Variants in NCKAP5 observed in about 807,000 individuals in gnomAD.
The protein encoded by NCKAP5 is nck-associated protein 5.
NCKAP5 carries 92 observed loss-of-function variants against 167.0 expected under a neutral mutation model. That is an observed-to-expected ratio of 0.55 (90% CI 0.47 to 0.66). The LOEUF (loss-of-function observed/expected upper bound fraction) is 0.66, where lower values mean the gene tolerates loss of function less well. Among genes scored for constraint, NCKAP5 ranks in the 30% least tolerant of loss-of-function variants. The probability of loss-of-function intolerance (pLI) is 0.00; values close to 1 mark genes in which losing one functional copy is unlikely to be tolerated. For synonymous variants in NCKAP5, 891 were observed against 877.4 expected (o/e 1.02, Z -0.27); for missense variants, 2,378 against 2,315.0 (o/e 1.03, Z -0.56).
At chr2:132,704,714 T>C (rs1340313213) in intron 19 of NCKAP5, among the ~76,000 whole-genome samples, 1 of 152,208 alleles carries the variant, frequency 6.6e-6, no homozygotes, top group East Asian at 1.9e-4. Context: ...CCATGGTTCA[T>C]TGTAATCATT....
chr2:132,967,163 A>G (rs1020373658), intron 7 of NCKAP5, among the ~76,000 whole-genome samples: 2 of 20,786 alleles, frequency 9.6e-5, no homozygotes, highest in African/African-American at 5.0e-4. Context: ...GCCCTATCGT[A>G]CACACACACA....
At chr2:133,382,429 C>T (rs1165908991) in intron 3 of NCKAP5, among the ~76,000 whole-genome samples, 3 of 152,034 alleles carry the variant, frequency 2.0e-5, no homozygotes, top group African/African-American at 7.2e-5. Context: ...CATTCAATAC[C>T]TTCTCATTGG....
intron 11 of NCKAP5, among the ~76,000 whole-genome samples, chr2:132,853,158 G>A (rs1193606950): frequency 6.6e-6 from 1 of 152,208 alleles, no homozygotes; most frequent in African/African-American, 2.4e-5. Flanking sequence ...AGAAAAGCAG[G>A]TTGCAGGCCA....
At chr2:133,551,806 C>T (rs1385358754) in intron 2 of NCKAP5, among the ~76,000 whole-genome samples, 1 of 109,438 alleles carries the variant, frequency 9.1e-6, no homozygotes, top group Non-Finnish European at 1.8e-5. Context: ...AGTGAACAGG[C>T]AACCTACAAA....
At chr2:133,632,558 G>A in the NCKAP5 span, among the ~76,000 whole-genome samples, 2 of 152,152 alleles carry the variant, frequency 1.3e-5, no homozygotes, top group African/African-American at 2.4e-5. Flanking sequence ...CAGAACAAGT[G>A]TTACTCTGTA....
intron 3 of NCKAP5, among the ~76,000 whole-genome samples, chr2:133,470,735 C>G (rs1002337564): frequency 2.0e-5 from 3 of 152,216 alleles, no homozygotes; most frequent in Non-Finnish European, 2.9e-5. Flanking sequence ...TTAAGCCTGT[C>G]GGAAAAGTAC....
chr2:133,191,146 T>C (rs894984081), intron 5 of NCKAP5, among the ~76,000 whole-genome samples: 1 of 152,120 alleles, frequency 6.6e-6, no homozygotes, highest in Non-Finnish European at 1.5e-5. Flanking sequence ...AGAAGACATT[T>C]ATGCAGCCAA....
chr2:133,658,320 A>T, the NCKAP5 span, among the ~76,000 whole-genome samples: 1 of 152,184 alleles, frequency 6.6e-6, no homozygotes, highest in African/African-American at 2.4e-5. Flanking sequence ...TTAAGTTGCA[A>T]TAGGAGCTGC....
the NCKAP5 span, among the ~76,000 whole-genome samples, chr2:133,590,160 C>T: frequency 6.6e-6 from 1 of 152,186 alleles, no homozygotes; most frequent in South Asian, 2.1e-4. Flanking sequence ...AGTTTTCCTA[C>T]ATCCCTATCC....
At chr2:132,871,268 G>C (rs1029147692) in intron 9 of NCKAP5, among the ~76,000 whole-genome samples, 4 of 152,034 alleles carry the variant, frequency 2.6e-5, no homozygotes, top group Non-Finnish European at 5.9e-5. Context: ...AAGTAACTGA[G>C]AATTCAAAGT....
intron 3 of NCKAP5, among the ~76,000 whole-genome samples, chr2:133,375,166 G>T (rs925201818): frequency 6.6e-6 from 1 of 152,182 alleles, no homozygotes; most frequent in African/African-American, 2.4e-5. Flanking sequence ...ATCATTTGAA[G>T]TGATGAACAC....
At chr2:132,873,547 A>T (rs537730735) in intron 9 of NCKAP5, among the ~76,000 whole-genome samples, 73 of 152,230 alleles carry the variant, frequency 4.8e-4, no homozygotes, top group Non-Finnish European at 7.5e-4. Context: ...TGTATTATTC[A>T]TTTACTTTGT....
intron 2 of NCKAP5, among the ~76,000 whole-genome samples, chr2:133,518,044 A>G (rs1684159901): frequency 6.6e-6 from 1 of 152,216 alleles, no homozygotes; most frequent in Non-Finnish European, 1.5e-5. Context: ...AACATTGTTT[A>G]ATTTAAAAAA....
At position 133,351,658 on chromosome 2, in the gene NCKAP5, T is replaced by A. The variant is rs188134425; in HGVS notation, c.70-48548A>T. ...TAATGCTCTTCACCTGGCATGGCTC[T>A]CTCCTCACCTGTGCCCCCACCCCAG... is the stretch of plus-strand genomic sequence containing the variant. On this transcript the variant is annotated intron_variant, in intron 3 of 19. Coordinates refer to ENST00000409261, the MANE Select transcript of NCKAP5 (RefSeq NM_207363.3). Among the ~76,000 whole-genome samples, 119 of 152,278 alleles carry A rather than the reference T, an allele frequency of 7.8e-4. 1 individual carries two copies. Among genetic ancestry groups the A allele is most frequent in the Admixed American group, 6.6e-3 (101 of 15,296 alleles).
the NCKAP5 span, among the ~76,000 whole-genome samples, chr2:133,659,159 G>C: frequency 6.6e-6 from 1 of 152,086 alleles, no homozygotes; most frequent in African/African-American, 2.4e-5. Flanking sequence ...ACCTTCCTGA[G>C]CCTCAGTTTC....
chr2:133,345,297 C>G (rs1029090133), intron 3 of NCKAP5, among the ~76,000 whole-genome samples: 1 of 152,012 alleles, frequency 6.6e-6, no homozygotes, highest in African/African-American at 2.4e-5. Context: ...TGTGATCTTT[C>G]TGCCCTCCCC....
intron 2 of NCKAP5, among the ~76,000 whole-genome samples, chr2:133,519,857 T>C (rs1264076790): frequency 6.6e-6 from 1 of 151,984 alleles, no homozygotes; most frequent in African/African-American, 2.4e-5. Context: ...CTGTGGTAGG[T>C]ACAGTATGAA....
chr2:133,588,244 G>A, the NCKAP5 span, among the ~76,000 whole-genome samples: 1 of 151,012 alleles, frequency 6.6e-6, no homozygotes, highest in Non-Finnish European at 1.5e-5. Context: ...GCTTAATGGG[G>A]ACTCTTGATT....
chr2:132,948,269 TA>T (rs1295388889), intron 8 of NCKAP5, among the ~76,000 whole-genome samples: 10 of 152,056 alleles, frequency 6.6e-5, no homozygotes, highest in Non-Finnish European at 8.8e-5. Flanking sequence ...AATGGCTGGT[TA>T]GGGGGGGAAG....
Sources: gnomAD v4.1 joint callset for allele counts (sites outside exome capture counted in the v4.1 genomes callset) on GRCh38, gnomAD v4.1.1 for gene constraint, MANE v1.5 for transcripts, NCBI Gene and HGNC (gene_info 2026-07-23, HGNC 2026-07-21) for gene names.